Variants in RHBG observed in about 807,000 individuals in gnomAD.
RHBG encodes ammonium transporter Rh type B.
RHBG carries 39 observed loss-of-function variants against 40.1 expected under a neutral mutation model. The ratio of observed to expected loss-of-function variants is 0.97; its 90% confidence interval spans 0.75 to 1.27. The LOEUF is 1.27. RHBG is among the 50% of genes most tolerant of loss of function. The pLI, the probability that RHBG is intolerant of heterozygous loss-of-function variation, is 0.00. For missense variants in RHBG, 549 were observed against 588.1 expected (o/e 0.93, Z 0.69); for synonymous variants, 237 against 252.5 (o/e 0.94, Z 0.58).
chr1:156,382,069 C>T lies in RHBG; in HGVS notation c.980C>T (p.Pro327Leu). 6.2e-7 allele frequency: 1 copy of T among 1,610,118 alleles called. No individual in the cohort carries two copies. Residue 327 changes from proline to leucine, a missense_variant and splice_region_variant, in exon 7 of 10, where the codon CCC (proline) becomes CTC (leucine). By Grantham distance (98) the Pro-to-Leu change is moderately conservative. Coordinates refer to ENST00000537040, the MANE Select transcript of RHBG (RefSeq NM_020407.5). ...CTCATGATCTGTCTTGCCCTCCAGC[C>T]CATCCTTGAATCAAAATTCAAAGTC... The part of the protein sequence containing the change: ...VSTLGYKFFT[P>L]ILESKFKVQD...
chr1:156,375,355 G>A (rs1667119403), intron 1 of RHBG, among the ~76,000 whole-genome samples: 2 of 151,916 alleles, frequency 1.3e-5, no homozygotes. Context: ...TTACAGGCGT[G>A]AGCCACTGCG....
chr1:156,375,763 C>T (rs1270126114), intron 1 of RHBG, among the ~76,000 whole-genome samples: 1 of 150,156 alleles, frequency 6.7e-6, no homozygotes, highest in Non-Finnish European at 1.5e-5. Context: ...TTTTTTGACA[C>T]GGAATCTCAC....
At chr1:156,373,096 G>A (rs1049099787) in intron 1 of RHBG, among the ~76,000 whole-genome samples, 1 of 152,172 alleles carries the variant, frequency 6.6e-6, no homozygotes, top group African/African-American at 2.4e-5. Context: ...AGAGTAACAG[G>A]TGGCTTTGGA....
At chr1:156,380,813 C>A (rs1247146111) in intron 4 of RHBG, among the ~76,000 whole-genome samples, 1 of 151,946 alleles carries the variant, frequency 6.6e-6, no homozygotes, top group Admixed American at 6.6e-5. Flanking sequence ...TCAATAGCTG[C>A]CATTTGCTGG....
chr1:156,384,747 C>G (rs767418454), intron 9 of RHBG, 30 bp from the exon 10 acceptor site: 2 of 1,610,656 alleles, frequency 1.2e-6, no homozygotes, highest in Non-Finnish European at 8.5e-7. Flanking sequence ...TGGAGCTACC[C>G]TTTCACCTCT....
Position 156,379,810 on chromosome 1 carries a change from C to T in RHBG, c.673+1411C>T, listed in dbSNP as rs138078544. Among the ~76,000 whole-genome samples the T allele has an allele frequency of 4.5e-3, 685 of 152,320 alleles. 6 individuals carry two copies. Among genetic ancestry groups the T allele is most frequent in the African/African-American group, 0.016 (660 of 41,564 alleles). ...CTAAGCCTCCCACCTTGCTGGCTTACACCACAGGGTCCCCAGCCTTCTCCT... is the reference window on the plus strand; with the variant it reads ...CTAAGCCTCCCACCTTGCTGGCTTATACCACAGGGTCCCCAGCCTTCTCCT... On this transcript the variant is annotated intron_variant, in intron 4 of 9. Coordinates refer to ENST00000537040, the MANE Select transcript of RHBG (RefSeq NM_020407.5).
chr1:156,381,397 G>A lies in RHBG; in HGVS notation c.724G>A (p.Ala242Thr). 1 of 1,614,146 alleles carries A rather than the reference G, an allele frequency of 6.2e-7. No individual in the cohort carries two copies. The highest frequency in any genetic ancestry group is 8.5e-7 in the Non-Finnish European group (1 of 1,180,038). The stretch of plus-strand genomic sequence containing the variant: ...GCCTAGCTTCAATGCTGCACTCACA[G>A]CGCTGGGGGCTGGGCAGCATCGGAC... Reference protein sequence around the residue: ...FWPSFNAALTALGAGQHRTAL... With the variant: ...FWPSFNAALTTLGAGQHRTAL... The change falls in exon 5 of 10, where the codon GCG becomes ACG. Residue 242 changes from alanine to threonine, a missense_variant. By Grantham distance (58) the Ala-to-Thr change is moderately conservative. This residue lies in a region of RHBG where 399 missense variants were observed against 417.0 expected (regional missense o/e 0.96). Coordinates refer to ENST00000537040, the MANE Select transcript of RHBG (RefSeq NM_020407.5).
rs1262607045 is a variant in RHBG, at chr1:156,381,383, A to G, written c.710A>G (p.Asn237Ser). 1.2e-6 allele frequency: 2 copies of G among 1,614,108 alleles called. No homozygotes were observed. Among genetic ancestry groups the G allele is most frequent in the Non-Finnish European group, 1.7e-6 (2 of 1,180,032 alleles). ...CTGTGGATCTTCTGGCCTAGCTTCA[A>G]TGCTGCACTCACAGCGCTGGGGGCT... Reference protein sequence around the residue: ...IFLWIFWPSFNAALTALGAGQ... With the variant: ...IFLWIFWPSFSAALTALGAGQ... The change falls in exon 5 of 10, where the codon AAT becomes AGT. Residue 237 changes from asparagine (N) to serine (S), a missense_variant. By Grantham distance (46) the Asn-to-Ser change is conservative. Around this residue, in one of 3 missense-constraint regions of RHBG, gnomAD observed 399 missense variants for 417.0 expected, o/e 0.96. Coordinates refer to ENST00000537040, the MANE Select transcript of RHBG (RefSeq NM_020407.5).
intron 1 of RHBG, chr1:156,371,117 A>C: frequency 2.3e-6 from 1 of 426,654 alleles, no homozygotes; most frequent in South Asian, 1.7e-5. Context: ...CTAGAGTGTG[A>C]GAGTCTCCTA....
intron 1 of RHBG, chr1:156,374,587 ATTT>A (rs34071665): frequency 4.1e-3 from 1,548 of 378,858 alleles, no homozygotes; most frequent in East Asian, 0.01. Flanking sequence ...ACAGGATTCC[ATTT>A]TTTTTTTTTT....
chr1:156,378,256 G>C lies in RHBG; in HGVS notation c.530G>C (p.Arg177Thr), dbSNP rs752763146. 1.2e-6 allele frequency: 2 copies of C among 1,613,910 alleles called. No individual in the cohort carries two copies. The highest frequency in any genetic ancestry group is 3.3e-5 in the Admixed American group (2 of 60,012). The part of the protein sequence containing the change: ...EFVLLHLLGV[R>T]DAGGSMTIHT... Reference sequence around the variant, plus strand: ...CCTCTCACCCCACCTCCCCAGGTGAGAGATGCCGGAGGCTCCATGACTATC... The same window carrying C: ...CCTCTCACCCCACCTCCCCAGGTGACAGATGCCGGAGGCTCCATGACTATC... The change falls in exon 4 of 10, where the codon AGA becomes ACA. Residue 177 changes from arginine to threonine, a missense_variant. Around this residue, in one of 3 missense-constraint regions of RHBG, gnomAD observed 399 missense variants for 417.0 expected, o/e 0.96. Transcript: ENST00000537040.
intron 7 of RHBG, 108 bp downstream of exon 7, chr1:156,382,309 TCCA>T: frequency 6.4e-7 from 1 of 1,554,160 alleles, no homozygotes; most frequent in Non-Finnish European, 8.8e-7. Flanking sequence ...CATTCATTCA[TCCA>T]TATTCTGGGA....
chr1:156,373,633 T>C (rs763108341), intron 1 of RHBG, among the ~76,000 whole-genome samples: 14 of 152,184 alleles, frequency 9.2e-5, no homozygotes, highest in Admixed American at 1.3e-4. Flanking sequence ...TTTCTTGATG[T>C]TTAGACTCCA....
At chr1:156,382,320 G>A in intron 7 of RHBG, 119 bp downstream of exon 7, 1 of 1,520,322 alleles carries the variant, frequency 6.6e-7, no homozygotes, top group Non-Finnish European at 9.0e-7. Flanking sequence ...CCATATTCTG[G>A]GAGCAAAGGA....
rs751336070 is a variant in RHBG, at chr1:156,369,477, A to G, written c.187+41A>G. ...GGGCGCGCGGGAAGCAAAGACCCCA[A>G]GATTTGCAAAGACCCTCCGGTGTCT... On this transcript the variant is annotated intron_variant, in intron 1 of 9. Coordinates refer to ENST00000537040, the MANE Select transcript of RHBG (RefSeq NM_020407.5). 13 of 1,543,802 alleles carry G rather than the reference A, an allele frequency of 8.4e-6. No homozygotes were observed. In the Admixed American group the frequency reaches 1.6e-4, roughly 19 times the overall value.
At chr1:156,374,253 C>T (rs562430367) in intron 1 of RHBG, among the ~76,000 whole-genome samples, 1 of 152,260 alleles carries the variant, frequency 6.6e-6, no homozygotes, top group African/African-American at 2.4e-5. Flanking sequence ...CAATCCAAAA[C>T]CATCCCCCAC....
chr1:156,380,986 G>T (rs1391434753), intron 4 of RHBG, among the ~76,000 whole-genome samples: 1 of 151,982 alleles, frequency 6.6e-6, no homozygotes, highest in Non-Finnish European at 1.5e-5. Flanking sequence ...TGCAACCTCT[G>T]CCTCCCAGTC....
rs199707985 is a variant in RHBG at position 156,377,341 on chromosome 1, C to A, written c.228C>A (p.Gly76=). The change falls in exon 2 of 10, where the codon GGC becomes GGA. Residue 76 remains glycine (G), a synonymous_variant. Transcript: ENST00000537040. The surrounding 1 kb of genome is among the most constrained non-coding windows in gnomAD (Gnocchi z 4.6). ...DVHAMVFVGF[G]FLMVFLQRYG... ...ATGCCATGGTCTTCGTGGGCTTTGG[C>A]TTCCTCATGGTCTTCCTGCAGCGTT... 4.0e-5 allele frequency: 64 copies of A among 1,614,062 alleles called. No homozygotes were observed. Among genetic ancestry groups the A allele is most frequent in the Non-Finnish European group, 1.0e-5 (12 of 1,179,982 alleles).
chr1:156,379,061 C>G (rs1667435096), intron 4 of RHBG, among the ~76,000 whole-genome samples: 1 of 150,428 alleles, frequency 6.6e-6, no homozygotes, highest in East Asian at 2.0e-4. Flanking sequence ...GTGGTGCGAT[C>G]TCAGCTCACC....
Sources: allele counts gnomAD v4.1 joint callset (sites outside exome capture counted in the v4.1 genomes callset), GRCh38; gene constraint gnomAD v4.1.1; regional missense constraint gnomAD v4.1.1; non-coding constraint Gnocchi (gnomAD v3.1); transcripts MANE v1.5; gene names NCBI Gene and HGNC (gene_info 2026-07-23, HGNC 2026-07-21).